TUBD1: variants seen among roughly 807,000 people sequenced by gnomAD.
TUBD1 encodes tubulin delta chain.
Under a neutral mutation model 51.2 loss-of-function variants are expected in TUBD1, and 38 were observed. The observed-to-expected ratio is 0.74, with a 90% CI of 0.57 to 0.97. The LOEUF (loss-of-function observed/expected upper bound fraction) is 0.97, where lower values mean the gene tolerates loss of function less well. Ranked by LOEUF, TUBD1 falls within the 50% of genes least tolerant of loss-of-function variation. TUBD1 has a pLI of 0.00. For synonymous variants in TUBD1, 169 were observed against 178.2 expected, an observed-to-expected ratio of 0.95 and a Z score of 0.41; for missense variants, 489 against 538.4, an observed-to-expected ratio of 0.91 and a Z score of 0.91.
chr17:59,891,653 T>G (rs2041052719), intron 1 of TUBD1, among the ~76,000 whole-genome samples: 1 of 151,980 alleles, frequency 6.6e-6, no homozygotes, highest in African/African-American at 2.4e-5. Context: ...AACAAAACAT[T>G]CTCCTCAGTT....
In TUBD1 at chr17:59,866,660, T is replaced by C. The variant is rs1301447671; in HGVS notation, c.1024A>G (p.Ile342Val). The C allele has an allele frequency of 1.2e-6, 2 of 1,613,928 alleles. No homozygotes were observed. The highest frequency in any genetic ancestry group is 1.3e-5 in the African/African-American group (1 of 74,886). ...LNKDLHFNTS[I>V]ANLVILRGKD... ...CCACGAAGAATGACCAAGTTAGCAA[T>C]GGAAGTGTTAAAATGCAGGTCCTTG... The change falls in exon 7 of 9, where the codon ATT becomes GTT. Residue 342 changes from isoleucine to valine, a missense_variant. Physicochemically the swap from Ile to Val is conservative, Grantham distance 29. Coordinates refer to ENST00000325752, the MANE Select transcript of TUBD1 (RefSeq NM_016261.4).
In TUBD1 at chr17:59,890,982, T is replaced by C. The variant is rs139453195; in HGVS notation, c.21A>G (p.Gln7=). 2.9e-5 allele frequency: 46 copies of C among 1,612,642 alleles called. No individual in the cohort carries two copies. Among genetic ancestry groups the C allele is most frequent in the Non-Finnish European group, 3.6e-5 (43 of 1,179,756 alleles). Residue 7 remains glutamine (Q), a synonymous_variant, in exon 2 of 9, where the codon CAA becomes CAG. Coordinates refer to ENST00000325752, the MANE Select transcript of TUBD1 (RefSeq NM_016261.4). Reference sequence around the variant, plus strand: ...CAATCTGATTGCCACACTGACCAAGTTGCACTGTTACAATTGACATGCTGA... The same window carrying C: ...CAATCTGATTGCCACACTGACCAAGCTGCACTGTTACAATTGACATGCTGA... MSIVTV[Q]LGQCGNQIGF... is the part of the protein sequence containing the mutation.
chr17:59,879,798 G>A (rs959949086), intron 4 of TUBD1, among the ~76,000 whole-genome samples: 8 of 151,388 alleles, frequency 5.3e-5, no homozygotes, highest in African/African-American at 1.7e-4. Context: ...TTGTTGCCCA[G>A]GCTGAAGTGT....
intron 6 of TUBD1, among the ~76,000 whole-genome samples, chr17:59,867,306 G>A (rs2144449133): frequency 6.6e-6 from 1 of 152,148 alleles, no homozygotes; most frequent in South Asian, 2.1e-4. Context: ...ATGTAGCTGG[G>A]ACTATAGGCA....
At chr17:59,872,706 G>A (rs1161949130) in intron 6 of TUBD1, among the ~76,000 whole-genome samples, 2 of 114,054 alleles carry the variant, frequency 1.8e-5, no homozygotes, top group Non-Finnish European at 3.6e-5. Context: ...GTGTGTGTGT[G>A]TGTGTGTGTG....
intron 6 of TUBD1, among the ~76,000 whole-genome samples, chr17:59,868,450 C>CT (rs2039817728): frequency 6.6e-6 from 1 of 152,008 alleles, no homozygotes; most frequent in African/African-American, 2.4e-5. Context: ...AATCCCAGCA[C>CT]TTTGAGAGGC....
chr17:59,868,814 C>T (rs958896910), intron 6 of TUBD1, among the ~76,000 whole-genome samples: 4 of 150,162 alleles, frequency 2.7e-5, no homozygotes, highest in South Asian at 2.1e-4. Context: ...TCCAGCCTGG[C>T]GACGGAGCGA....
chr17:59,882,177 G>A (rs570885961), intron 3 of TUBD1, among the ~76,000 whole-genome samples: 4 of 151,650 alleles, frequency 2.6e-5, no homozygotes, highest in Admixed American at 6.6e-5. Context: ...CTCCCAAAGC[G>A]CTGGAATTAC....
At chr17:59,861,955 T>C (rs1016585796) in intron 8 of TUBD1, among the ~76,000 whole-genome samples, 18 of 150,760 alleles carry the variant, frequency 1.2e-4, no homozygotes, top group Admixed American at 4.6e-4. Flanking sequence ...TGTGAGCCAC[T>C]GCACCCAGCC....
At chr17:59,862,724 T>A (rs946331799) in intron 8 of TUBD1, among the ~76,000 whole-genome samples, 1 of 79,804 alleles carries the variant, frequency 1.3e-5, no homozygotes, top group African/African-American at 4.4e-5. Flanking sequence ...ATTTTTTTTT[T>A]TTTTTTTTTT....
chr17:59,870,591 T>C (rs2039939912), intron 6 of TUBD1, among the ~76,000 whole-genome samples: 2 of 151,992 alleles, frequency 1.3e-5, no homozygotes, highest in Non-Finnish European at 2.9e-5. Flanking sequence ...AGAGAACCTT[T>C]GGAAAACCAG....
intron 4 of TUBD1, among the ~76,000 whole-genome samples, chr17:59,880,279 G>A (rs1020782170): frequency 2.0e-5 from 3 of 149,416 alleles, no homozygotes; most frequent in Admixed American, 6.7e-5. Flanking sequence ...GGATGGTCTC[G>A]ATCTCTTGAC....
intron 3 of TUBD1, chr17:59,885,572 T>C: frequency 7.7e-7 from 1 of 1,290,960 alleles, no homozygotes. Flanking sequence ...TTCGTGGGCT[T>C]TTGTGCCCTC....
intron 6 of TUBD1, among the ~76,000 whole-genome samples, chr17:59,871,496 C>G (rs2039981968): frequency 6.6e-6 from 1 of 152,114 alleles, no homozygotes; most frequent in Non-Finnish European, 1.5e-5. Context: ...CTGCACCCGG[C>G]CAGAATGAAG....
At chr17:59,874,402 T>C in intron 6 of TUBD1, 137 bp downstream of exon 6, 1 of 732,874 alleles carries the variant, frequency 1.4e-6, no homozygotes, top group Non-Finnish European at 2.2e-6. Flanking sequence ...TAAGATGTCC[T>C]GGTGAGTTTC....
At chr17:59,868,620 CGAGTTCAAGAGATCGA>C (rs2039827473) in intron 6 of TUBD1, among the ~76,000 whole-genome samples, 1 of 151,990 alleles carries the variant, frequency 6.6e-6, no homozygotes, top group South Asian at 2.1e-4. Context: ...GGGGGGATCA[CGAGTTCAAGAGATCGA>C]GACCATACTG....
At chr17:59,886,502 T>A in intron 2 of TUBD1, 1 of 301,914 alleles carries the variant, frequency 3.3e-6, no homozygotes, top group Non-Finnish European at 6.1e-6. Context: ...TGGTGGCATG[T>A]GCCTGTAATT....
intron 5 of TUBD1, among the ~76,000 whole-genome samples, chr17:59,875,769 A>T (rs1349150595): frequency 6.6e-6 from 1 of 151,906 alleles, no homozygotes; most frequent in Non-Finnish European, 1.5e-5. Context: ...AGTTAACATG[A>T]AACTCTATTT....
In TUBD1 at chr17:59,860,108, T is replaced by C. The variant is rs565756077; in HGVS notation, c.*214A>G. The C allele has an allele frequency of 1.0e-3, 303 of 293,194 alleles. No homozygotes were observed. Among genetic ancestry groups the C allele is most frequent in the African/African-American group, 5.6e-3 (245 of 43,608 alleles). The allele number at this position is 293,194 out of a possible 1,614,324, so 18.2% of individuals were successfully genotyped here. On this transcript the variant is annotated 3_prime_UTR_variant, in exon 9 of 9. Coordinates refer to ENST00000325752, the MANE Select transcript of TUBD1 (RefSeq NM_016261.4). ...TCGGCTCACTGCAAGCTCCGCCTCC[T>C]GGGTTCACGTCATTCTCCTGCCTCA...
Sources: gnomAD v4.1 joint callset for allele counts (sites outside exome capture counted in the v4.1 genomes callset) on GRCh38, gnomAD v4.1.1 for gene constraint, MANE v1.5 for transcripts, NCBI Gene and HGNC (gene_info 2026-07-23, HGNC 2026-07-21) for gene names.